Variants in WDFY4 observed in about 807,000 individuals in gnomAD.
WDFY4 encodes the protein WD repeat- and FYVE domain-containing protein 4.
In WDFY4, 169 loss-of-function variants were observed where a neutral mutation model predicts 351.9. The ratio of observed to expected loss-of-function variants is 0.48; its 90% CI spans 0.42 to 0.55. The LOEUF (loss-of-function observed/expected upper bound fraction) is 0.55, where lower values mean the gene tolerates loss of function less well. Among genes scored for constraint, WDFY4 ranks in the 20% least tolerant of loss-of-function variants. The pLI is 0.00. For missense variants in WDFY4, 3,803 were observed against 3,935.6 expected (o/e 0.97, Z 0.90); for synonymous variants, 1,622 against 1,574.6 (o/e 1.03, Z -0.71).
chr10:48,716,255 G>A (rs952609347), intron 2 of WDFY4, among the ~76,000 whole-genome samples: 2 of 152,008 alleles, frequency 1.3e-5, no homozygotes, highest in Non-Finnish European at 2.9e-5. Context: ...GTTCGTGCTG[G>A]AATACCAACC....
At chr10:48,850,633 G>A in intron 39 of WDFY4, among the ~76,000 whole-genome samples, 1 of 152,130 alleles carries the variant, frequency 6.6e-6, no homozygotes, top group East Asian at 1.9e-4. Context: ...AAGTCTAACT[G>A]GCCTAAAATT....
At chr10:48,740,618 T>C (rs1453903832) in intron 11 of WDFY4, among the ~76,000 whole-genome samples, 1 of 152,230 alleles carries the variant, frequency 6.6e-6, no homozygotes. Context: ...TGTCTACAAA[T>C]GTCCAACTTT....
chr10:48,705,551 CT>C (rs1317054020), intron 1 of WDFY4, among the ~76,000 whole-genome samples: 1 of 152,162 alleles, frequency 6.6e-6, no homozygotes, highest in Non-Finnish European at 1.5e-5. Flanking sequence ...TCCCTGTTTC[CT>C]TCTCTTTTCA....
intron 12 of WDFY4, among the ~76,000 whole-genome samples, chr10:48,751,582 G>A (rs2065182910): frequency 6.6e-6 from 1 of 152,192 alleles, no homozygotes; most frequent in African/African-American, 2.4e-5. Flanking sequence ...GCTAGTCCCT[G>A]AGAGAGAAGC....
chr10:48,914,251 A>C, intron 47 of WDFY4: 1 of 1,366,992 alleles, frequency 7.3e-7, no homozygotes, highest in Non-Finnish European at 9.9e-7. Flanking sequence ...AGATAAGAAA[A>C]CATCTGGTTA....
At chr10:48,903,303 G>T (rs775993045) in intron 47 of WDFY4, among the ~76,000 whole-genome samples, 1 of 152,176 alleles carries the variant, frequency 6.6e-6, no homozygotes, top group Non-Finnish European at 1.5e-5. Flanking sequence ...GATGGGAAGC[G>T]TTGGAGGATT....
chr10:48,959,899 G>A (rs1310952346), intron 53 of WDFY4, 86 bp downstream of exon 53: 6 of 1,263,914 alleles, frequency 4.7e-6, no homozygotes, highest in Non-Finnish European at 6.7e-6. Context: ...CAAGTGGAGG[G>A]CCAGTGACCA....
At chr10:48,804,612 G>T (rs1014086601) in intron 25 of WDFY4, 7 of 445,636 alleles carry the variant, frequency 1.6e-5, no homozygotes, top group Non-Finnish European at 2.1e-5. Flanking sequence ...TCTGCCCAAA[G>T]TCACCCTCCT....
intron 43 of WDFY4, among the ~76,000 whole-genome samples, chr10:48,880,439 C>A (rs2070199298): frequency 1.3e-5 from 2 of 152,364 alleles, no homozygotes; most frequent in African/African-American, 4.8e-5. Flanking sequence ...CTGCCCCTCC[C>A]TGCCTTTTGT....
At chr10:48,724,050 C>T (rs2064181724) in intron 5 of WDFY4, among the ~76,000 whole-genome samples, 1 of 152,122 alleles carries the variant, frequency 6.6e-6, no homozygotes, top group Admixed American at 6.5e-5. Context: ...CTGTCATTCC[C>T]CATCTTTCCT....
chr10:48,970,704 C>G (rs941628175), intron 57 of WDFY4, among the ~76,000 whole-genome samples: 2 of 152,216 alleles, frequency 1.3e-5, no homozygotes, highest in Non-Finnish European at 2.9e-5. Flanking sequence ...CACGGATTGC[C>G]TCATTTTAGC....
At chr10:48,779,828 G>T in intron 18 of WDFY4, 113 bp from the exon 19 acceptor site, 1 of 1,130,046 alleles carries the variant, frequency 8.8e-7, no homozygotes, top group Non-Finnish European at 1.2e-6. Context: ...GGAGGATCTA[G>T]GGCTCCATGG....
At chr10:48,913,066 G>T (rs779845218) in intron 47 of WDFY4, among the ~76,000 whole-genome samples, 1 of 152,194 alleles carries the variant, frequency 6.6e-6, no homozygotes, top group African/African-American at 2.4e-5. Flanking sequence ...GTGTGTGGCG[G>T]CATTAGCTGC....
chr10:48,938,980 G>A (rs1225656865), intron 47 of WDFY4, among the ~76,000 whole-genome samples: 1 of 152,156 alleles, frequency 6.6e-6, no homozygotes, highest in Non-Finnish European at 1.5e-5. Flanking sequence ...GGCTTCATTC[G>A]AGTTCTTCTG....
rs1325199591 is a variant in WDFY4, at chr10:48,897,553, G to A, written c.7416G>A (p.Arg2472=). The A allele has an allele frequency of 2.6e-6, 4 of 1,548,880 alleles. No individual in the cohort carries two copies. The highest frequency in any genetic ancestry group is 1.2e-5 in the South Asian group (1 of 84,056). ...GCTACGCTGACATGCGGGAGCTACGGCAGGCTCGCTTCCTCCTGCAGGTAA... is the reference window on the plus strand; with the variant it reads ...GCTACGCTGACATGCGGGAGCTACGACAGGCTCGCTTCCTCCTGCAGGTAA... ...CHSYADMREL[R]QARFLLQDIA... The change falls in exon 45 of 62, where the codon CGG becomes CGA. Residue 2472 remains arginine, a synonymous_variant. Transcript: ENST00000325239.
At chr10:48,876,758 T>C (rs2070028601) in intron 42 of WDFY4, among the ~76,000 whole-genome samples, 1 of 152,234 alleles carries the variant, frequency 6.6e-6, no homozygotes, top group Admixed American at 6.5e-5. Context: ...AATGTTGCCC[T>C]GTGGTCACTG....
chr10:48,689,514 G>C (rs904809233), intron 1 of WDFY4, among the ~76,000 whole-genome samples: 8 of 152,074 alleles, frequency 5.3e-5, no homozygotes, highest in Non-Finnish European at 8.8e-5. Flanking sequence ...GGATATATTG[G>C]GTTAAGTGAA....
intron 39 of WDFY4, among the ~76,000 whole-genome samples, chr10:48,853,051 G>T (rs1797644471): frequency 6.6e-6 from 1 of 152,082 alleles, no homozygotes; most frequent in Admixed American, 6.5e-5. Flanking sequence ...ATCTCACCGG[G>T]CTTCTCTGAT....
At chr10:48,978,143 T>TA (rs1448618318) in intron 59 of WDFY4, among the ~76,000 whole-genome samples, 166 bp from the exon 60 acceptor site, 1 of 152,122 alleles carries the variant, frequency 6.6e-6, no homozygotes, top group Non-Finnish European at 1.5e-5. Context: ...AGCTGAAGGC[T>TA]AAATAACCTT....
Sources: allele counts gnomAD v4.1 joint callset (sites outside exome capture counted in the v4.1 genomes callset), GRCh38; gene constraint gnomAD v4.1.1; transcripts MANE v1.5; gene names NCBI Gene and HGNC (gene_info 2026-07-23, HGNC 2026-07-21).